Variants in CEP112 observed in about 807,000 individuals in gnomAD.
CEP112 encodes the protein centrosomal protein 112, also known as centrosomal protein of 112 kDa.
Under a neutral mutation model 153.0 loss-of-function variants are expected in CEP112, and 127 were observed. That is an observed-to-expected ratio of 0.83 (90% CI 0.72 to 0.96). The LOEUF (loss-of-function observed/expected upper bound fraction) is 0.96. Among genes scored for constraint, CEP112 ranks in the 40% least tolerant of loss-of-function variants. CEP112 has a pLI of 0.00. For missense variants in CEP112, 1,089 were observed against 1,101.2 expected, an observed-to-expected ratio of 0.99 and a Z score of 0.16; for synonymous variants, 358 against 374.4, an observed-to-expected ratio of 0.96 and a Z score of 0.51.
At chr17:65,683,861 G>A (rs1391875323) in intron 24 of CEP112, among the ~76,000 whole-genome samples, 1 of 152,120 alleles carries the variant, frequency 6.6e-6, no homozygotes, top group African/African-American at 2.4e-5. Context: ...GGCCAATATG[G>A]TGAAACCCCG....
intron 21 of CEP112, among the ~76,000 whole-genome samples, chr17:65,796,253 C>T (rs1276101160): frequency 1.3e-5 from 2 of 152,088 alleles, no homozygotes; most frequent in African/African-American, 4.8e-5. Context: ...GTTTGTCTTC[C>T]TTTATTAGAC....
At chr17:66,153,074 A>G (rs2071275526) in intron 4 of CEP112, among the ~76,000 whole-genome samples, 1 of 152,184 alleles carries the variant, frequency 6.6e-6, no homozygotes. Context: ...TACTCATGTG[A>G]AGAGACTGGA....
At chr17:65,913,786 G>C (rs949367735) in intron 19 of CEP112, 37 of 985,310 alleles carry the variant, frequency 3.8e-5, no homozygotes, top group African/African-American at 3.3e-4. Flanking sequence ...AGGGAGAGCA[G>C]AAGGCTGGAA....
At chr17:65,696,116 T>C (rs1031455263) in intron 23 of CEP112, among the ~76,000 whole-genome samples, 1 of 152,178 alleles carries the variant, frequency 6.6e-6, no homozygotes, top group African/African-American at 2.4e-5. Flanking sequence ...TCTTACACAT[T>C]TTCTGTCATG....
intron 24 of CEP112, chr17:65,654,965 C>T (rs1198755055): frequency 1.5e-6 from 1 of 677,830 alleles, no homozygotes; most frequent in East Asian, 3.9e-5. Flanking sequence ...GGAAGCCGGG[C>T]CAATAGTGAT....
chr17:65,753,782 AG>A (rs1423637646), intron 21 of CEP112, among the ~76,000 whole-genome samples: 2 of 152,202 alleles, frequency 1.3e-5, no homozygotes, highest in African/African-American at 4.8e-5. Flanking sequence ...TTCACCCACT[AG>A]AAAATCTAAA....
chr17:66,172,465 A>G (rs1944971819), intron 4 of CEP112, among the ~76,000 whole-genome samples: 1 of 152,186 alleles, frequency 6.6e-6, no homozygotes. Flanking sequence ...CTGACAACGA[A>G]TGCCTCATAC....
chr17:65,929,377 T>C (rs1392440991), intron 18 of CEP112, among the ~76,000 whole-genome samples: 3 of 152,200 alleles, frequency 2.0e-5, no homozygotes, highest in Admixed American at 1.3e-4. Context: ...CCCAGGCCTA[T>C]AATGTGTCAG....
chr17:66,066,155 A>G (rs1421508124), intron 10 of CEP112, among the ~76,000 whole-genome samples: 1 of 152,164 alleles, frequency 6.6e-6, no homozygotes, highest in Non-Finnish European at 1.5e-5. Flanking sequence ...GTTTCGACCC[A>G]TAATCATAGT....
intron 20 of CEP112, among the ~76,000 whole-genome samples, chr17:65,861,893 G>A (rs2146398812): frequency 6.6e-6 from 1 of 152,258 alleles, no homozygotes; most frequent in East Asian, 1.9e-4. Flanking sequence ...TCTTACACGT[G>A]AACACCAGGC....
chr17:66,179,280 G>C (rs1230951322), intron 2 of CEP112, among the ~76,000 whole-genome samples: 2 of 152,072 alleles, frequency 1.3e-5, no homozygotes, highest in East Asian at 1.9e-4. Context: ...AGATTGGTTT[G>C]GGTAGTATGG....
At chr17:66,059,418 C>T (rs9907406) in intron 11 of CEP112, among the ~76,000 whole-genome samples, 70,666 of 151,892 alleles carry the variant, frequency 0.47, 17,510 homozygotes, top group East Asian at 0.89. Context: ...AGGTCTAATA[C>T]CCAGAATCTA....
chr17:66,110,190 G>C (rs2068964546), intron 6 of CEP112, among the ~76,000 whole-genome samples: 1 of 151,996 alleles, frequency 6.6e-6, no homozygotes, highest in Non-Finnish European at 1.5e-5. Context: ...AAGTTAGCCA[G>C]GCGTGGTTGT....
intron 17 of CEP112, among the ~76,000 whole-genome samples, chr17:65,980,566 C>T (rs2063191213): frequency 6.6e-6 from 1 of 152,166 alleles, no homozygotes. Flanking sequence ...AATTCTCTCT[C>T]CTCCACCAGT....
chr17:65,652,848 G>T (rs2045857607), intron 24 of CEP112, among the ~76,000 whole-genome samples: 1 of 152,164 alleles, frequency 6.6e-6, no homozygotes, highest in South Asian at 2.1e-4. Flanking sequence ...AAATACCATA[G>T]ATTGAGCAGA....
intron 23 of CEP112, among the ~76,000 whole-genome samples, chr17:65,714,549 C>T (rs2049388341): frequency 6.6e-6 from 1 of 151,942 alleles, no homozygotes; most frequent in African/African-American, 2.4e-5. Context: ...GCATCGCTTT[C>T]CCCAGCTCCT....
chr17:65,787,365 C>T (rs1044159152), intron 21 of CEP112, among the ~76,000 whole-genome samples: 12 of 152,114 alleles, frequency 7.9e-5, no homozygotes, highest in Admixed American at 6.6e-4. Flanking sequence ...CAACTGTAGT[C>T]CCAGCTACTT....
At chr17:66,007,471 TAC>T (rs1051588440) in intron 16 of CEP112, among the ~76,000 whole-genome samples, 1 of 152,170 alleles carries the variant, frequency 6.6e-6, no homozygotes, top group African/African-American at 2.4e-5. Flanking sequence ...TAATATGTAT[TAC>T]AGTGTTTGGC....
intron 21 of CEP112, among the ~76,000 whole-genome samples, chr17:65,849,794 C>G (rs944784845): frequency 6.6e-6 from 1 of 152,172 alleles, no homozygotes; most frequent in African/African-American, 2.4e-5. Flanking sequence ...AGTGGCAACA[C>G]CACTTTCCCT....
Sources: allele counts gnomAD v4.1 joint callset (sites outside exome capture counted in the v4.1 genomes callset), GRCh38; gene constraint gnomAD v4.1.1; transcripts MANE v1.5; gene names NCBI Gene and HGNC (gene_info 2026-07-23, HGNC 2026-07-21).